Variants in TRAPPC9 observed in about 807,000 individuals in gnomAD.
TRAPPC9 encodes trafficking protein particle complex subunit 9, also known as IKK2 binding protein.
In TRAPPC9, 83 loss-of-function variants were observed where a neutral mutation model predicts 124.0. That is an observed-to-expected ratio of 0.67 (90% CI 0.56 to 0.80). The LOEUF (loss-of-function observed/expected upper bound fraction) is 0.80. Ranked by LOEUF, TRAPPC9 falls within the 30% of genes least tolerant of loss-of-function variation. TRAPPC9 has a pLI of 0.00. For missense variants in TRAPPC9, 1,302 were observed against 1,508.3 expected, an observed-to-expected ratio of 0.86 and a Z score of 2.27; for synonymous variants, 638 against 617.5, an observed-to-expected ratio of 1.03 and a Z score of -0.49.
chr8:139,805,904 G>T (rs2130715189), intron 21 of TRAPPC9, among the ~76,000 whole-genome samples: 1 of 152,332 alleles, frequency 6.6e-6, no homozygotes, highest in South Asian at 2.1e-4. Context: ...ATGTATAAAA[G>T]CCTGGTTAAG....
chr8:140,372,357 C>T (rs2068307061), intron 7 of TRAPPC9, among the ~76,000 whole-genome samples: 1 of 152,202 alleles, frequency 6.6e-6, no homozygotes, highest in Non-Finnish European at 1.5e-5. Flanking sequence ...CAACTTGGGC[C>T]TCCAAACCCT....
intron 21 of TRAPPC9, chr8:139,806,031 G>C (rs1824027714): frequency 6.6e-6 from 1 of 152,282 alleles, no homozygotes; most frequent in South Asian, 2.1e-4. Flanking sequence ...ACAGTCAAGG[G>C]CTGCAAAGTG....
rs879790259 is a variant in TRAPPC9 at position 140,196,000 on chromosome 8, A to AAC, written c.2556+25457_2556+25458dup. 8.3e-3 allele frequency among the ~76,000 whole-genome samples: 1,171 copies of AAC among 141,650 alleles called. 4 individuals are homozygous for AAC. The highest frequency in any genetic ancestry group is 0.018 in the East Asian group (83 of 4,542). 92.9% of individuals were successfully genotyped at this position (141,650 alleles called of 152,430 possible). On this transcript the variant is annotated intron_variant, in intron 17 of 22. Coordinates refer to ENST00000438773, the MANE Select transcript of TRAPPC9 (RefSeq NM_001160372.4). Reference sequence around the variant, plus strand: ...GTACAGATCACACCTGTGACACTAAAACACTCAGCAATCCACTGTACAGCT... The same window carrying AAC: ...GTACAGATCACACCTGTGACACTAAAACACACTCAGCAATCCACTGTACAGCT...
intron 17 of TRAPPC9, among the ~76,000 whole-genome samples, chr8:140,107,232 A>C (rs1436888296): frequency 6.6e-6 from 1 of 152,150 alleles, no homozygotes; most frequent in Non-Finnish European, 1.5e-5. Flanking sequence ...CCTCCTCTGA[A>C]GTCTCAGAGC....
intron 15 of TRAPPC9, among the ~76,000 whole-genome samples, chr8:140,265,342 A>G (rs543395469): frequency 1.8e-4 from 27 of 152,372 alleles, no homozygotes; most frequent in African/African-American, 6.5e-4. Flanking sequence ...GACGTATTCA[A>G]ATAACAAGCA....
intron 21 of TRAPPC9, among the ~76,000 whole-genome samples, chr8:139,870,849 T>C (rs1332384548): frequency 6.6e-6 from 1 of 152,180 alleles, no homozygotes; most frequent in Non-Finnish European, 1.5e-5. Context: ...CTTTGCAACA[T>C]AAATAAAGCA....
At chr8:139,991,882 A>C (rs2941570) in intron 18 of TRAPPC9, among the ~76,000 whole-genome samples, 140,015 of 152,184 alleles carry the variant, frequency 0.92, 64,583 homozygotes, top group Middle Eastern at 0.99. Context: ...GGCACTGTTT[A>C]TTCAGCCCCA....
chr8:140,406,881 T>C (rs1459313422), intron 5 of TRAPPC9, among the ~76,000 whole-genome samples: 2 of 151,964 alleles, frequency 1.3e-5, no homozygotes, highest in Non-Finnish European at 2.9e-5. Flanking sequence ...CTTGGAAAAA[T>C]ATATCTCAAA....
chr8:140,429,174 C>T lies in TRAPPC9; in HGVS notation c.860-2533G>A, dbSNP rs1450888426. Among the ~76,000 whole-genome samples, 7 of 152,084 alleles carry T rather than the reference C, an allele frequency of 4.6e-5. No homozygotes were observed. The South Asian group carries it at 6.2e-4, about 14-fold the overall frequency. On this transcript the variant is annotated intron_variant, in intron 4 of 22. Transcript: ENST00000438773. ...CTGGCTCACTGCAACCTCCGCTTCC[C>T]GGGTTCAAGCAATTCTTCTGCCTCA...
intron 21 of TRAPPC9, among the ~76,000 whole-genome samples, chr8:139,841,113 C>G (rs1340307029): frequency 6.6e-6 from 1 of 152,166 alleles, no homozygotes; most frequent in Non-Finnish European, 1.5e-5. Flanking sequence ...AAACATCTAC[C>G]CCTCGCTTGC....
At chr8:139,926,614 A>T (rs1005003124) in intron 19 of TRAPPC9, among the ~76,000 whole-genome samples, 5 of 151,552 alleles carry the variant, frequency 3.3e-5, no homozygotes, top group Non-Finnish European at 5.9e-5. Flanking sequence ...AAATAAAAAA[A>T]AAAAAAAAAC....
chr8:139,758,970 T>A (rs535279566), intron 21 of TRAPPC9, among the ~76,000 whole-genome samples: 1 of 152,314 alleles, frequency 6.6e-6, no homozygotes, highest in South Asian at 2.1e-4. Flanking sequence ...CTGGCCTCCC[T>A]GGCACTGAAC....
At chr8:139,736,393 G>T (rs1818165697) in intron 21 of TRAPPC9, among the ~76,000 whole-genome samples, 1 of 152,174 alleles carries the variant, frequency 6.6e-6, no homozygotes, top group South Asian at 2.1e-4. Context: ...CCAAATTAAT[G>T]CATTTCTGTG....
chr8:140,408,922 C>T (rs1306532649), intron 5 of TRAPPC9, among the ~76,000 whole-genome samples: 1 of 151,966 alleles, frequency 6.6e-6, no homozygotes, highest in Non-Finnish European at 1.5e-5. Context: ...AGGTAAATTC[C>T]TCTAAAACCT....
At chr8:140,361,484 T>A (rs1250753347) in intron 8 of TRAPPC9, among the ~76,000 whole-genome samples, 1 of 152,196 alleles carries the variant, frequency 6.6e-6, no homozygotes, top group Admixed American at 6.5e-5. Flanking sequence ...GGAGTACAAG[T>A]TAAAGTTATA....
intron 20 of TRAPPC9, among the ~76,000 whole-genome samples, chr8:139,893,668 C>T (rs1830486285): frequency 6.6e-6 from 1 of 152,220 alleles, no homozygotes; most frequent in African/African-American, 2.4e-5. Context: ...AAAAGCTGCC[C>T]TTCACCAGCA....
chr8:139,904,622 G>A (rs1348065443), intron 20 of TRAPPC9: 1 of 152,254 alleles, frequency 6.6e-6, no homozygotes, highest in Non-Finnish European at 1.5e-5. Context: ...AATCTCTGGT[G>A]AGTTATTGAA....
chr8:140,389,250 C>A (rs889813425), intron 7 of TRAPPC9, among the ~76,000 whole-genome samples: 3 of 152,174 alleles, frequency 2.0e-5, no homozygotes, highest in African/African-American at 7.2e-5. Flanking sequence ...AGCCACCGTG[C>A]CTGGCACTGT....
chr8:140,117,672 C>T (rs1000202106), intron 17 of TRAPPC9, among the ~76,000 whole-genome samples: 3 of 152,162 alleles, frequency 2.0e-5, no homozygotes, highest in Non-Finnish European at 4.4e-5. Context: ...AGAGAACAAA[C>T]ATTCAAACCA....
Sources: gnomAD v4.1 joint callset for allele counts (sites outside exome capture counted in the v4.1 genomes callset) on GRCh38, gnomAD v4.1.1 for gene constraint, MANE v1.5 for transcripts, NCBI Gene and HGNC (gene_info 2026-07-23, HGNC 2026-07-21) for gene names.